Variants in DHRSX observed in about 807,000 individuals in gnomAD.
DHRSX encodes the protein polyprenol dehydrogenase.
Under a neutral mutation model 34.0 loss-of-function variants are expected in DHRSX, and 31 were observed. That is an observed-to-expected ratio of 0.91 (90% confidence interval 0.69 to 1.23). The LOEUF (loss-of-function observed/expected upper bound fraction) is 1.23. DHRSX is among the 50% of genes most tolerant of loss of function. The pLI, the probability that DHRSX is intolerant of heterozygous loss-of-function variation, is 0.00. For missense variants in DHRSX, 414 were observed against 428.1 expected, an observed-to-expected ratio of 0.97 and a Z score of 0.29; for synonymous variants, 201 against 183.8, an observed-to-expected ratio of 1.09 and a Z score of -0.76.
chrX:2,388,999 T>G (rs773663868), intron 3 of DHRSX, among the ~76,000 whole-genome samples: 15 of 152,316 alleles, frequency 9.8e-5, no homozygotes, highest in South Asian at 6.2e-4. Flanking sequence ...CACGGTGACC[T>G]CAGACATGTA....
intron 4 of DHRSX, among the ~76,000 whole-genome samples, chrX:2,276,488 T>G (rs1044722059): frequency 3.9e-5 from 6 of 152,148 alleles, no homozygotes; most frequent in African/African-American, 1.4e-4. Context: ...AAATAAACAG[T>G]AAAATTATCG....
chrX:2,254,662 T>TTTG, intron 5 of DHRSX, among the ~76,000 whole-genome samples: 1 of 152,288 alleles, frequency 6.6e-6, no homozygotes, highest in East Asian at 1.9e-4. Flanking sequence ...TTGTTTGTTT[T>TTTG]TTTGAAACAG....
chrX:2,499,408 C>T (rs1184244587), intron 1 of DHRSX, among the ~76,000 whole-genome samples: 2 of 150,884 alleles, frequency 1.3e-5, no homozygotes, highest in Non-Finnish European at 2.9e-5. Context: ...TATCATTTAA[C>T]CTAACATGGA....
In DHRSX at chrX:2,219,786, T is replaced by A. The variant is rs888555514; in HGVS notation, c.*1255A>T. The A allele has an allele frequency of 6.6e-6, 1 of 152,180 alleles. No individual in the cohort carries two copies. The highest frequency in any genetic ancestry group is 2.4e-5 in the African/African-American group (1 of 41,454). 9.4% of individuals were successfully genotyped at this position (152,180 alleles called of 1,614,324 possible). A position where few individuals can be genotyped will look rare whatever the true frequency, so the allele number is the denominator to read the frequency against. ...CTCACACATAAGGAGTGCAGGCTCG[T>A]AGGGTATACACAGTACTTTCTCAAA... On this transcript the variant is annotated 3_prime_UTR_variant, in exon 7 of 7. Transcript: ENST00000334651.
Position 2,361,624 on chromosome X carries a change from A to G in DHRSX, c.286+47121T>C, listed in dbSNP as rs370548473. 7.2e-5 allele frequency among the ~76,000 whole-genome samples: 11 copies of G among 152,306 alleles called. No individual in the cohort carries two copies. The East Asian group carries it at 1.7e-3, about 24-fold the overall frequency. ...CTGCCCAAGTATTAGAGGGACAAAG[A>G]AGGATACAGAGAGCTGGAGTTCCAT... On this transcript the variant is annotated intron_variant, in intron 3 of 6. Coordinates refer to ENST00000334651, the MANE Select transcript of DHRSX (RefSeq NM_145177.3).
rs946302519 is a variant in DHRSX at position 2,276,801 on chromosome X, GA to G, written c.389-9855del. ...GAGAGAAGGAGAGGGAGGAAATAGG[GA>G]GAAAGAGAGACAAAGAGAGATGGAG... is the stretch of plus-strand genomic sequence containing the variant. On this transcript the variant is annotated intron_variant, in intron 4 of 6. Transcript: ENST00000334651. Among the ~76,000 whole-genome samples the G allele has an allele frequency of 1.7e-3, 259 of 148,010 alleles. 2 individuals carry two copies. Among genetic ancestry groups the G allele is most frequent in the African/African-American group, 5.6e-3 (227 of 40,298 alleles).
intron 1 of DHRSX, among the ~76,000 whole-genome samples, chrX:2,438,140 G>A (rs2044018220): frequency 6.8e-6 from 1 of 147,094 alleles, no homozygotes; most frequent in South Asian, 2.1e-4. Flanking sequence ...TCATGCCACT[G>A]CACTCTAGCC....
chrX:2,421,512 C>T (rs1473782822), intron 2 of DHRSX, among the ~76,000 whole-genome samples: 4 of 152,312 alleles, frequency 2.6e-5, no homozygotes, highest in South Asian at 4.1e-4. Context: ...ACATGGACCA[C>T]GCATCTCCAG....
intron 3 of DHRSX, among the ~76,000 whole-genome samples, chrX:2,345,024 G>A (rs1448165884): frequency 6.6e-6 from 1 of 151,196 alleles, no homozygotes; most frequent in African/African-American, 2.4e-5. Context: ...GACCCCTGCA[G>A]TCTACCCTAT....
At chrX:2,302,539 G>C (rs2042024653) in intron 3 of DHRSX, among the ~76,000 whole-genome samples, 1 of 152,118 alleles carries the variant, frequency 6.6e-6, no homozygotes, top group Admixed American at 6.6e-5. Flanking sequence ...TTAAACCCGG[G>C]AGGTGGAGGT....
chrX:2,229,835 G>A (rs1253773372), intron 6 of DHRSX, among the ~76,000 whole-genome samples: 1 of 152,070 alleles, frequency 6.6e-6, no homozygotes, highest in African/African-American at 2.4e-5. Context: ...GCATGTGAAT[G>A]TGTACTTGAG....
chrX:2,366,814 G>A (rs918309618), intron 3 of DHRSX, among the ~76,000 whole-genome samples: 1 of 151,272 alleles, frequency 6.6e-6, no homozygotes, highest in Non-Finnish European at 1.5e-5. Flanking sequence ...GCCCAGGCTA[G>A]TCTCAAATTC....
At chrX:2,347,623 G>C (rs2042737008) in intron 3 of DHRSX, among the ~76,000 whole-genome samples, 1 of 152,186 alleles carries the variant, frequency 6.6e-6, no homozygotes, top group Non-Finnish European at 1.5e-5. Context: ...GAACCCAGGA[G>C]GTGGAGGCTG....
chrX:2,416,920 T>C (rs1426865075), intron 2 of DHRSX, among the ~76,000 whole-genome samples: 3 of 152,170 alleles, frequency 2.0e-5, no homozygotes, highest in Non-Finnish European at 4.4e-5. Context: ...GTATTTAATA[T>C]AAAATTCATT....
chrX:2,312,009 G>C (rs1290916718), intron 3 of DHRSX, among the ~76,000 whole-genome samples: 1 of 152,120 alleles, frequency 6.6e-6, no homozygotes, highest in Non-Finnish European at 1.5e-5. Context: ...AATGGAAAAA[G>C]TGGGGAAAAT....
chrX:2,268,897 G>A (rs2041511008), intron 4 of DHRSX, among the ~76,000 whole-genome samples: 1 of 152,198 alleles, frequency 6.6e-6, no homozygotes. Flanking sequence ...GAATCCCATA[G>A]CTTTTGCATT....
In DHRSX at chrX:2,395,878, A is replaced by G. The variant is rs148545100; in HGVS notation, c.286+12867T>C. On this transcript the variant is annotated intron_variant, in intron 3 of 6. Coordinates refer to ENST00000334651, the MANE Select transcript of DHRSX (RefSeq NM_145177.3). ...TATCAGCAATGCAACTAGATATTCT[A>G]TTCCTGCCCGATCTATGTCTCTACT... Among the ~76,000 whole-genome samples the G allele has an allele frequency of 8.9e-3, 1,359 of 152,246 alleles. 23 individuals carry two copies. Among genetic ancestry groups the G allele is most frequent in the African/African-American group, 0.031 (1,308 of 41,532 alleles).
chrX:2,419,770 A>G (rs1234512712), intron 2 of DHRSX, among the ~76,000 whole-genome samples: 1 of 137,948 alleles, frequency 7.2e-6, no homozygotes, highest in African/African-American at 2.7e-5. Flanking sequence ...CTGAACAATG[A>G]GAACACATGG....
intron 1 of DHRSX, among the ~76,000 whole-genome samples, chrX:2,478,689 T>G (rs183950829): frequency 4.5e-4 from 68 of 150,726 alleles, no homozygotes; most frequent in African/African-American, 1.6e-3. Context: ...CTGAAGATAT[T>G]CCCTAAGAAT....
Sources: gnomAD v4.1 joint callset for allele counts (sites outside exome capture counted in the v4.1 genomes callset) on GRCh38, gnomAD v4.1.1 for gene constraint, MANE v1.5 for transcripts, NCBI Gene and HGNC (gene_info 2026-07-23, HGNC 2026-07-21) for gene names.